ZCCHC8: variants seen among roughly 807,000 people sequenced by gnomAD.
ZCCHC8 encodes the protein zinc finger CCHC-type containing 8, also known as zinc finger CCHC domain-containing protein 8.
ZCCHC8 carries 27 observed loss-of-function variants against 70.6 expected under a neutral mutation model. The observed-to-expected ratio is 0.38, with a 90% CI of 0.28 to 0.53. The LOEUF (loss-of-function observed/expected upper bound fraction) is 0.53, where lower values mean the gene tolerates loss of function less well. ZCCHC8 is among the 20% of genes least tolerant of loss of function. ZCCHC8 has a pLI of 0.81. For synonymous variants in ZCCHC8, 293 were observed against 317.4 expected, an observed-to-expected ratio of 0.92 and a Z score of 0.82; for missense variants, 737 against 876.9, an observed-to-expected ratio of 0.84 and a Z score of 2.01.
chr12:122,471,645 A>C lies in ZCCHC8; in HGVS notation c.*1852T>G, dbSNP rs1236095566. 1.3e-5 allele frequency: 2 copies of C among 152,242 alleles called. No individual in the cohort carries two copies. Among genetic ancestry groups the C allele is most frequent in the African/African-American group, 4.8e-5 (2 of 41,476 alleles). 9.4% of individuals were successfully genotyped at this position (152,242 alleles called of 1,614,324 possible). On this transcript the variant is annotated 3_prime_UTR_variant, in exon 14 of 14. Transcript: ENST00000633063. ...ATTTTGAACTTAAGCTGAGGAAAAG[A>C]AGCCAAAAGTATTTTAAATTTTATT...
Position 122,478,193 on chromosome 12 carries a change from A to G in ZCCHC8, c.1227+13T>C. 1 of 1,573,308 alleles carries G rather than the reference A, an allele frequency of 6.4e-7. No homozygotes were observed. The stretch of plus-strand genomic sequence containing the variant: ...ACAACATTTTATAGAGCACACCCTT[A>G]AAATCTATTTACCGCTTGGAAGTTA... On this transcript the variant is annotated intron_variant, in intron 12 of 13. Transcript: ENST00000633063.
At chr12:122,477,030 C>T (rs923038369) in intron 13 of ZCCHC8, among the ~76,000 whole-genome samples, 2 of 151,330 alleles carry the variant, frequency 1.3e-5, no homozygotes, top group Non-Finnish European at 2.9e-5. Context: ...GAAAAACAAC[C>T]GAAAAAACAA....
Position 122,500,752 on chromosome 12 carries a change from CGAGT to C in ZCCHC8, c.85_88del (p.Thr29AlafsTer45). On this transcript the variant is annotated frameshift_variant, in exon 1 of 14. Transcript: ENST00000633063. LOFTEE classifies it high-confidence loss of function. This position sits in a 1 kb window ranked among gnomAD's most constrained non-coding sequence, Gnocchi z 4.8. Reference sequence around the variant, plus strand: ...CTCGTCGCCGTCGTCGTCCTTGAAGCGAGTGTGAACGGGCTTCGGAATCGACTCC... The same window carrying C: ...CTCGTCGCCGTCGTCGTCCTTGAAGCGTGAACGGGCTTCGGAATCGACTCC... 6.3e-7 allele frequency: 1 copy of C among 1,588,024 alleles called. No individual in the cohort carries two copies. Among genetic ancestry groups the C allele is most frequent in the Non-Finnish European group, 8.6e-7 (1 of 1,167,704 alleles).
In ZCCHC8 at chr12:122,483,748, C is replaced by T; in HGVS notation, c.502-185G>A. 1.7e-6 allele frequency: 1 copy of T among 583,280 alleles called. No individual in the cohort carries two copies. Among genetic ancestry groups the T allele is most frequent in the Non-Finnish European group, 3.0e-6 (1 of 333,152 alleles). The allele number at this position is 583,280 out of a possible 1,614,324, so 36.1% of individuals were successfully genotyped here. A position where few individuals can be genotyped will look rare whatever the true frequency, so the allele number is the denominator to read the frequency against. On this transcript the variant is annotated intron_variant, in intron 5 of 13. Transcript: ENST00000633063. The surrounding 1 kb of genome is among the most constrained non-coding windows in gnomAD (Gnocchi z 4.4). ...AGAAACTACATCGTCAGTTCCCTCT[C>T]TCTGCTAGATCAGTTTTTCCTCTGT...
chr12:122,493,750 C>A (rs1200538784), intron 2 of ZCCHC8, among the ~76,000 whole-genome samples: 1 of 152,154 alleles, frequency 6.6e-6, no homozygotes, highest in Admixed American at 6.5e-5. Flanking sequence ...GTAGCTGGGA[C>A]TACAGGCGCC....
intron 1 of ZCCHC8, chr12:122,499,158 G>C (rs1957875627): frequency 9.0e-6 from 4 of 444,242 alleles, no homozygotes; most frequent in Admixed American, 7.7e-5. Context: ...CAGTGTTCCT[G>C]TCAAACCTTT....
In ZCCHC8 at chr12:122,500,870, G is replaced by C; in HGVS notation, c.-30C>G. On this transcript the variant is annotated 5_prime_UTR_variant, in exon 1 of 14. Coordinates refer to ENST00000633063, the MANE Select transcript of ZCCHC8 (RefSeq NM_017612.5). This position sits in a 1 kb window ranked among gnomAD's most constrained non-coding sequence, Gnocchi z 4.8. Reference sequence around the variant, plus strand: ...GGCTGTGGAAAAGATTCGAGAAGAGGCGGAGCCGGCCACCAGGGCTTGGGG... The same window carrying C: ...GGCTGTGGAAAAGATTCGAGAAGAGCCGGAGCCGGCCACCAGGGCTTGGGG... 6.4e-7 allele frequency: 1 copy of C among 1,550,758 alleles called. No homozygotes were observed. The highest frequency in any genetic ancestry group is 8.7e-7 in the Non-Finnish European group (1 of 1,146,996).
rs1369129200 is a variant in ZCCHC8, at chr12:122,474,130, GGGAGTCAGCGGC to G, written c.1479_1490del (p.Pro494_Pro497del). ...CTGTTCTGGTCTGGGGTGAGTCACT[GGGAGTCAGCGGC>G]GGGGTGCCCTTTGGGAGTGGAGGGG... is the stretch of plus-strand genomic sequence containing the variant. On this transcript the variant is annotated inframe_deletion, in exon 14 of 14. Transcript: ENST00000633063. 1 of 1,509,868 alleles carries G rather than the reference GGGAGTCAGCGGC, an allele frequency of 6.6e-7. No homozygotes were observed. The highest frequency in any genetic ancestry group is 2.3e-5 in the East Asian group (1 of 43,086). 93.5% of individuals were successfully genotyped at this position (1,509,868 alleles called of 1,614,324 possible).
intron 3 of ZCCHC8, among the ~76,000 whole-genome samples, chr12:122,491,940 C>G (rs1957753859): frequency 6.6e-6 from 1 of 152,116 alleles, no homozygotes; most frequent in South Asian, 2.1e-4. Flanking sequence ...GAGAGGGACA[C>G]TAGTGCTACA....
intron 5 of ZCCHC8, among the ~76,000 whole-genome samples, chr12:122,487,667 T>C (rs1338012439): frequency 6.6e-6 from 1 of 152,230 alleles, no homozygotes; most frequent in Non-Finnish European, 1.5e-5. Context: ...CTGGTCTTAA[T>C]TCTGCCACTT....
In ZCCHC8 at chr12:122,498,827, C is replaced by T. The variant is rs748149428; in HGVS notation, c.242G>A (p.Ser81Asn). The change falls in exon 2 of 14, where the codon AGT (serine) becomes AAT (asparagine). Residue 81 changes from serine (S) to asparagine (N), a missense_variant and splice_region_variant. Coordinates refer to ENST00000633063, the MANE Select transcript of ZCCHC8 (RefSeq NM_017612.5). ...KRKLNILTRP[S>N]GILVNDTKLD... is the part of the protein sequence containing the mutation. ...TGGAGTAATTTCAAAAATCTCATAC[C>T]TCGGTCGAGTCAGAATGTTCAATTT... The T allele has an allele frequency of 1.2e-6, 2 of 1,613,180 alleles. No individual in the cohort carries two copies. Among genetic ancestry groups the T allele is most frequent in the Non-Finnish European group, 1.7e-6 (2 of 1,179,496 alleles).
chr12:122,472,294 C>T lies in ZCCHC8; in HGVS notation c.*1203G>A, dbSNP rs551118148. The T allele has an allele frequency of 6.6e-6, 1 of 151,320 alleles. No individual in the cohort carries two copies. The highest frequency in any genetic ancestry group is 1.5e-5 in the Non-Finnish European group (1 of 67,836). 9.4% of individuals were successfully genotyped at this position (151,320 alleles called of 1,614,324 possible). Reference sequence around the variant, plus strand: ...GCGACCTCGGCTCACTGCAACCTCCCACTCCCAGGTTCAAGTGATTCTCCT... The same window carrying T: ...GCGACCTCGGCTCACTGCAACCTCCTACTCCCAGGTTCAAGTGATTCTCCT... On this transcript the variant is annotated 3_prime_UTR_variant, in exon 14 of 14. Transcript: ENST00000633063.
intron 3 of ZCCHC8, among the ~76,000 whole-genome samples, 175 bp from the exon 4 acceptor site, chr12:122,490,742 T>C (rs1957729394): frequency 6.6e-6 from 1 of 152,232 alleles, no homozygotes; most frequent in African/African-American, 2.4e-5. Context: ...TTACATATTA[T>C]TGCCAAGTTA....
intron 11 of ZCCHC8, among the ~76,000 whole-genome samples, chr12:122,479,291 G>T (rs555984024): frequency 2.6e-5 from 4 of 152,136 alleles, no homozygotes; most frequent in Non-Finnish European, 5.9e-5. Context: ...GGCCAGGCTG[G>T]TCTCAAACTC....
At chr12:122,493,411 G>T (rs572309189) in intron 2 of ZCCHC8, among the ~76,000 whole-genome samples, 17 of 151,974 alleles carry the variant, frequency 1.1e-4, no homozygotes, top group Admixed American at 5.9e-4. Context: ...AAACAAGCAG[G>T]TTACAAGAAT....
In ZCCHC8 at chr12:122,489,374, G is replaced by A. The variant is rs745754014; in HGVS notation, c.501+12C>T. Reference sequence around the variant, plus strand: ...TATTGGCTGAATTCAAAACTGAAATGTCCAAACTTACACTGAAAGCTTCCT... The same window carrying A: ...TATTGGCTGAATTCAAAACTGAAATATCCAAACTTACACTGAAAGCTTCCT... On this transcript the variant is annotated intron_variant, in intron 5 of 13. Coordinates refer to ENST00000633063, the MANE Select transcript of ZCCHC8 (RefSeq NM_017612.5). The A allele has an allele frequency of 5.6e-6, 9 of 1,612,508 alleles. No homozygotes were observed. The highest frequency in any genetic ancestry group is 1.7e-5 in the Admixed American group (1 of 59,758).
intron 2 of ZCCHC8, among the ~76,000 whole-genome samples, chr12:122,497,055 G>A (rs1593335993): frequency 6.6e-6 from 1 of 151,932 alleles, no homozygotes; most frequent in Admixed American, 6.6e-5. Context: ...GCTGAGGCAG[G>A]AGAAAGCAGA....
At chr12:122,487,871 ATT>A (rs869244015) in intron 5 of ZCCHC8, among the ~76,000 whole-genome samples, 3 of 151,076 alleles carry the variant, frequency 2.0e-5, no homozygotes, top group Non-Finnish European at 2.9e-5. Context: ...ATATATATAT[ATT>A]TTGTTTGTTT....
chr12:122,476,108 A>G (rs998105025), intron 13 of ZCCHC8, among the ~76,000 whole-genome samples: 1 of 152,224 alleles, frequency 6.6e-6, no homozygotes, highest in South Asian at 2.1e-4. Context: ...ATGTAATACT[A>G]TCATTCTGTA....
Sources: allele counts gnomAD v4.1 joint callset (sites outside exome capture counted in the v4.1 genomes callset), GRCh38; gene constraint gnomAD v4.1.1; non-coding constraint Gnocchi (gnomAD v3.1); transcripts MANE v1.5; gene names NCBI Gene and HGNC (gene_info 2026-07-23, HGNC 2026-07-21).